ATF6B: variants seen among roughly 807,000 people sequenced by gnomAD.
ATF6B encodes the protein cyclic AMP-dependent transcription factor ATF-6 beta.
A neutral mutation model predicts 83.5 loss-of-function variants in ATF6B; 50 were observed. The ratio of observed to expected loss-of-function variants is 0.60; its 90% CI spans 0.48 to 0.76. The LOEUF (loss-of-function observed/expected upper bound fraction) is 0.76. Ranked by LOEUF, ATF6B falls within the 30% of genes least tolerant of loss-of-function variation. The pLI, the probability that ATF6B is intolerant of heterozygous loss-of-function variation, is 0.00. For synonymous variants in ATF6B, 344 were observed against 362.8 expected, an observed-to-expected ratio of 0.95 and a Z score of 0.59; for missense variants, 790 against 893.8, an observed-to-expected ratio of 0.88 and a Z score of 1.48.
rs1350123078 is a variant in ATF6B at position 32,117,062 on chromosome 6, T to A, written c.1660A>T (p.Ile554Phe). ...KKSPPVKAVP[I>F]QPPGPPERDS... The stretch of plus-strand genomic sequence containing the variant: ...CTTTCTGGGGGTCCAGGGGGTTGGA[T>A]GGGGACTGCCTTAACTGGAGGTGAC... The change falls in exon 15 of 18, where the codon ATC (isoleucine) becomes TTC (phenylalanine). Residue 554 changes from isoleucine (I) to phenylalanine (F), a missense_variant. Ile to Phe is a conservative substitution (Grantham distance 21). This residue lies in a region of ATF6B where 530 missense variants were observed against 632.6 expected (regional missense o/e 0.84). Coordinates refer to ENST00000375203, the MANE Select transcript of ATF6B (RefSeq NM_004381.5). The surrounding 1 kb of genome is among the most constrained non-coding windows in gnomAD (Gnocchi z 5.0). 1 of 1,613,896 alleles carries A rather than the reference T, an allele frequency of 6.2e-7. No individual in the cohort carries two copies. The highest frequency in any genetic ancestry group is 8.5e-7 in the Non-Finnish European group (1 of 1,179,984).
rs1179719370 is a variant in ATF6B at position 32,117,965 on chromosome 6, G to C, written c.1318C>G (p.Leu440Val). 6 of 1,613,696 alleles carry C rather than the reference G, an allele frequency of 3.7e-6. No individual in the cohort carries two copies. In the African/African-American group the frequency reaches 6.7e-5, roughly 18 times the overall value. Residue 440 changes from leucine to valine, a missense_variant, in exon 12 of 18, where the codon CTG (leucine) becomes GTG (valine). By Grantham distance (32) the Leu-to-Val change is conservative. Transcript: ENST00000375203. The surrounding 1 kb of genome is among the most constrained non-coding windows in gnomAD (Gnocchi z 5.0). ...ACTGGCTCTTGCTCTGAGAACCCCAGCAAGTGTCTCCGGGGTTGAGGCTCC... is the reference window on the plus strand; with the variant it reads ...ACTGGCTCTTGCTCTGAGAACCCCACCAAGTGTCTCCGGGGTTGAGGCTCC... ...KGEPQPRRHL[L>V]GFSEQEPVQG... is the part of the protein sequence containing the mutation.
intron 4 of ATF6B, among the ~76,000 whole-genome samples, chr6:32,126,549 C>T (rs901515698): frequency 2.0e-5 from 3 of 152,162 alleles, no homozygotes; most frequent in Non-Finnish European, 4.4e-5. Context: ...CCCAGCCCCA[C>T]ATAACTCTTT....
At position 32,117,535 on chromosome 6, in the gene ATF6B, G is replaced by A; in HGVS notation, c.1532+52C>T. ...ACACAGGCCAGCCAGGCTGACTGCAGAAGGCCTTGGGAGGCCGGGGGAGCT... is the reference window on the plus strand; with the variant it reads ...ACACAGGCCAGCCAGGCTGACTGCAAAAGGCCTTGGGAGGCCGGGGGAGCT... On this transcript the variant is annotated intron_variant, in intron 13 of 17. Transcript: ENST00000375203. The surrounding 1 kb of genome is among the most constrained non-coding windows in gnomAD (Gnocchi z 5.0). The A allele has an allele frequency of 4.4e-6, 7 of 1,599,684 alleles. No homozygotes were observed. The highest frequency in any genetic ancestry group is 5.1e-6 in the Non-Finnish European group (6 of 1,169,702).
rs191312722 is a variant in ATF6B, at chr6:32,116,444, T to C, written c.1882+36A>G. ...CAGCTCCCAGGCTGGATCTCCCTGT[T>C]GGAACTGCCCCCATACCCAGCAGGG... is the stretch of plus-strand genomic sequence containing the variant. On this transcript the variant is annotated intron_variant, in intron 17 of 17. Coordinates refer to ENST00000375203, the MANE Select transcript of ATF6B (RefSeq NM_004381.5). The surrounding 1 kb of genome is among the most constrained non-coding windows in gnomAD (Gnocchi z 5.1). 5 of 1,588,778 alleles carry C rather than the reference T, an allele frequency of 3.1e-6. No homozygotes were observed. The African/African-American group carries it at 5.4e-5, about 17-fold the overall frequency.
Position 32,119,705 on chromosome 6 carries a change from T to G in ATF6B, c.966+119A>C. 4 of 1,419,360 alleles carry G rather than the reference T, an allele frequency of 2.8e-6. No individual in the cohort carries two copies. Among genetic ancestry groups the G allele is most frequent in the Non-Finnish European group, 2.9e-6 (3 of 1,044,162 alleles). The allele number at this position is 1,419,360 out of a possible 1,614,324, so 87.9% of individuals were successfully genotyped here. ...CCCTCAGAATGATCTAATGGGTCCG[T>G]TTCCTCACTTTTTTCTCCTAGGTAT... is the stretch of plus-strand genomic sequence containing the variant. On this transcript the variant is annotated intron_variant, in intron 9 of 17. Coordinates refer to ENST00000375203, the MANE Select transcript of ATF6B (RefSeq NM_004381.5). The surrounding 1 kb of genome is among the most constrained non-coding windows in gnomAD (Gnocchi z 4.9).
Position 32,121,117 on chromosome 6 carries a change from A to T in ATF6B, c.572T>A (p.Ile191Lys). 6.3e-7 allele frequency: 1 copy of T among 1,581,634 alleles called. No individual in the cohort carries two copies. ...LSADSSSQAF[I>K]GEEVLEVKTE... ...CTTCACTTCCAGGACCTCCTCTCCT[A>T]TAAAAGCCTATGTGGGGCATTCCAG... Residue 191 changes from isoleucine to lysine, a missense_variant, in exon 7 of 18, where the codon ATA becomes AAA. Physicochemically the swap from Ile to Lys is moderately radical, Grantham distance 102 (BLOSUM62 -3). Around this residue, in one of 3 missense-constraint regions of ATF6B, gnomAD observed 253 missense variants for 243.1 expected, o/e 1.04. Transcript: ENST00000375203.
Position 32,117,511 on chromosome 6 carries a change from C to T in ATF6B, c.1532+76G>A, listed in dbSNP as rs564344372. The stretch of plus-strand genomic sequence containing the variant: ...GGCAGGGAGCACTGGCGCTTTAGTA[C>T]ACAGGCCAGCCAGGCTGACTGCAGA... On this transcript the variant is annotated intron_variant, in intron 13 of 17. Transcript: ENST00000375203. The surrounding 1 kb of genome is among the most constrained non-coding windows in gnomAD (Gnocchi z 5.0). 1.3e-5 allele frequency: 21 copies of T among 1,592,664 alleles called. No homozygotes were observed. Among genetic ancestry groups the T allele is most frequent in the Non-Finnish European group, 1.8e-5 (21 of 1,165,384 alleles).
Position 32,117,476 on chromosome 6 carries a change from G to C in ATF6B, c.1533-72C>G. On this transcript the variant is annotated intron_variant, in intron 13 of 17. Transcript: ENST00000375203. This position sits in a 1 kb window ranked among gnomAD's most constrained non-coding sequence, Gnocchi z 5.0. The stretch of plus-strand genomic sequence containing the variant: ...CCACCCTCCTTGCCCACCCACAGGA[G>C]TGAGGAGAGGGCAGGGAGCACTGGC... 6.3e-7 allele frequency: 1 copy of C among 1,596,888 alleles called. No individual in the cohort carries two copies. The highest frequency in any genetic ancestry group is 1.7e-5 in the Admixed American group (1 of 58,686).
rs1225329336 is a variant in ATF6B at position 32,118,249 on chromosome 6, C to CTT, written c.1245-212_1245-211insAA. 6.6e-6 allele frequency among the ~76,000 whole-genome samples: 1 copy of CTT among 152,154 alleles called. No homozygotes were observed. Among genetic ancestry groups the CTT allele is most frequent in the Non-Finnish European group, 1.5e-5 (1 of 68,032 alleles). Reference sequence around the variant, plus strand: ...TAGAACTCAGTAAGCACTTAATAGTCACTATTTCTACCAGCATTATCACCA... The same window carrying CTT: ...TAGAACTCAGTAAGCACTTAATAGTCTTACTATTTCTACCAGCATTATCACCA... On this transcript the variant is annotated intron_variant, in intron 11 of 17. Coordinates refer to ENST00000375203, the MANE Select transcript of ATF6B (RefSeq NM_004381.5). The surrounding 1 kb of genome is among the most constrained non-coding windows in gnomAD (Gnocchi z 5.2).
chr6:32,118,171 T>G lies in ATF6B; in HGVS notation c.1245-133A>C. Reference sequence around the variant, plus strand: ...CAAGCCTGAGTCTGCCTCTGTAAGATGGGAATAAGGATGGTCCCTACATAC... The same window carrying G: ...CAAGCCTGAGTCTGCCTCTGTAAGAGGGGAATAAGGATGGTCCCTACATAC... On this transcript the variant is annotated intron_variant, in intron 11 of 17. Coordinates refer to ENST00000375203, the MANE Select transcript of ATF6B (RefSeq NM_004381.5). This position sits in a 1 kb window ranked among gnomAD's most constrained non-coding sequence, Gnocchi z 5.2. The G allele has an allele frequency of 4.4e-6, 5 of 1,126,704 alleles. No homozygotes were observed. The highest frequency in any genetic ancestry group is 6.5e-6 in the Non-Finnish European group (5 of 774,730). The allele number at this position is 1,126,704 out of a possible 1,614,324, so 69.8% of individuals were successfully genotyped here.
In ATF6B at chr6:32,117,336, G is replaced by T. The variant is rs1781570096; in HGVS notation, c.1601C>A (p.Ala534Asp). The T allele has an allele frequency of 1.2e-6, 2 of 1,613,902 alleles. No individual in the cohort carries two copies. The highest frequency in any genetic ancestry group is 2.7e-5 in the African/African-American group (2 of 75,020). The change falls in exon 14 of 18, where the codon GCC becomes GAC. Residue 534 changes from alanine (A) to aspartate (D), a missense_variant. Ala to Asp is a moderately radical substitution (Grantham distance 126). This residue lies in a region of ATF6B where 530 missense variants were observed against 632.6 expected (regional missense o/e 0.84). Transcript: ENST00000375203. The surrounding 1 kb of genome is among the most constrained non-coding windows in gnomAD (Gnocchi z 5.0). ...CACCCGCCCTACCTGTCTCTCCTGG[G>T]CCCTCTGAGGGATCTTCCTCCGGCC... ...QRGRRKIPQRAQERQKSQPRK... is the reference protein window; with the variant it reads ...QRGRRKIPQRDQERQKSQPRK...
At chr6:32,127,361 T>C (rs979468755) in intron 3 of ATF6B, 81 bp downstream of exon 3, 16 of 1,489,908 alleles carry the variant, frequency 1.1e-5, no homozygotes, top group East Asian at 4.6e-5. Context: ...CGTGAGGATA[T>C]AGGAAGCTAC....
chr6:32,123,879 C>A (rs1420075853), intron 5 of ATF6B, among the ~76,000 whole-genome samples: 1 of 152,052 alleles, frequency 6.6e-6, no homozygotes, highest in Non-Finnish European at 1.5e-5. Context: ...AGAGATGGTG[C>A]CAGGAGATCC....
Position 32,127,352 on chromosome 6 carries a change from G to C in ATF6B, c.250+90C>G, listed in dbSNP as rs932012631. On this transcript the variant is annotated intron_variant, in intron 3 of 17. Transcript: ENST00000375203. ...AGAGGATAGGCACTTATGTAGAAGC[G>C]TGAGGATATAGGAAGCTACGTAGTT... The C allele has an allele frequency of 2.3e-5, 33 of 1,451,036 alleles. No homozygotes were observed. In the African/African-American group the frequency reaches 4.7e-4, roughly 21 times the overall value. 89.9% of individuals were successfully genotyped at this position (1,451,036 alleles called of 1,614,324 possible).
At chr6:32,120,546 G>C (rs1334151033) in intron 8 of ATF6B, 1 of 421,294 alleles carries the variant, frequency 2.4e-6, no homozygotes, top group Non-Finnish European at 4.1e-6. Flanking sequence ...CGCCTCCTGG[G>C]TTCAAGTGAT....
intron 5 of ATF6B, 97 bp from the exon 6 acceptor site, chr6:32,121,445 G>A: frequency 1.6e-6 from 2 of 1,226,276 alleles, no homozygotes; most frequent in Non-Finnish European, 2.3e-6. Flanking sequence ...GCTCACGCCT[G>A]TAATCTCAGC....
chr6:32,127,345 T>C (rs989716859), intron 3 of ATF6B, 97 bp downstream of exon 3: 2 of 1,424,076 alleles, frequency 1.4e-6, no homozygotes, highest in South Asian at 1.3e-5. Context: ...GGCACTTATG[T>C]AGAAGCGTGA....
chr6:32,124,223 A>G (rs1431629908), intron 5 of ATF6B, among the ~76,000 whole-genome samples: 1 of 152,008 alleles, frequency 6.6e-6, no homozygotes, highest in Non-Finnish European at 1.5e-5. Context: ...AACAGAATCA[A>G]CATGTCCAAC....
intron 5 of ATF6B, among the ~76,000 whole-genome samples, chr6:32,122,874 C>T (rs1021589986): frequency 1.3e-5 from 2 of 149,704 alleles, no homozygotes; most frequent in African/African-American, 4.9e-5. Context: ...AACTTCCCTT[C>T]CCGGTCCTCC....
Sources: gnomAD v4.1 joint callset for allele counts (sites outside exome capture counted in the v4.1 genomes callset) on GRCh38, gnomAD v4.1.1 for gene constraint, gnomAD v4.1.1 regional missense constraint, Gnocchi (gnomAD v3.1) non-coding constraint, MANE v1.5 for transcripts, NCBI Gene and HGNC (gene_info 2026-07-23, HGNC 2026-07-21) for gene names.